The following HMCN2 variants were observed in gnomAD, a reference collection of about 807,000 sequenced individuals.
The protein encoded by HMCN2 is hemicentin 2, also known as hemicentin-2.
A neutral mutation model predicts 377.5 loss-of-function variants in HMCN2; 325 were observed. The observed-to-expected ratio is 0.86, with a 90% CI of 0.79 to 0.94. The LOEUF is 0.94. Ranked by LOEUF, HMCN2 falls within the 40% of genes least tolerant of loss-of-function variation. The probability of loss-of-function intolerance (pLI) is 0.00; values close to 1 mark genes in which losing one functional copy is unlikely to be tolerated. For synonymous variants in HMCN2, 2,007 were observed against 2,046.8 expected (o/e 0.98, Z 0.53); for missense variants, 4,543 against 4,725.3 (o/e 0.96, Z 1.13).
In HMCN2 at chr9:130,374,526, G is replaced by A. The variant is rs1176984878; in HGVS notation, c.7463G>A (p.Trp2488Ter). The A allele has an allele frequency of 3.6e-5, 35 of 985,852 alleles. No individual in the cohort carries two copies. Among genetic ancestry groups the A allele is most frequent in the Non-Finnish European group, 4.2e-5 (35 of 829,990 alleles). 61.1% of individuals were successfully genotyped at this position (985,852 alleles called of 1,614,324 possible). ...VTGHPQPKLTWFKDGRPLARG... is the reference protein window; with the variant it reads ...VTGHPQPKLT ...GGCCACCCACAGCCCAAGCTCACAT[G>A]GTTCAAAGATGGCCGGCCTCTGGCT... The change falls in exon 49 of 98, where the codon TGG (tryptophan) becomes TAG (stop). Residue 2488 changes from tryptophan to a stop codon, truncating the protein, a stop_gained. Coordinates refer to ENST00000683500, the MANE Select transcript of HMCN2 (RefSeq NM_001291815.2). LOFTEE classifies it high-confidence loss of function.
At chr9:130,285,998 AGCT>A (rs1835391924) in intron 3 of HMCN2, among the ~76,000 whole-genome samples, 187 bp from the exon 4 acceptor site, 1 of 152,082 alleles carries the variant, frequency 6.6e-6, no homozygotes, top group Non-Finnish European at 1.5e-5. Flanking sequence ...GTCCTGCATC[AGCT>A]CCTGATCCCC....
intron 1 of HMCN2, among the ~76,000 whole-genome samples, chr9:130,266,585 C>T (rs1369438622): frequency 2.6e-5 from 4 of 152,216 alleles, no homozygotes; most frequent in African/African-American, 9.6e-5. Context: ...GCTTGGAGAC[C>T]GGAATGGCTC....
chr9:130,346,236 C>A (rs1839385678), intron 25 of HMCN2, among the ~76,000 whole-genome samples: 1 of 152,060 alleles, frequency 6.6e-6, no homozygotes, highest in Admixed American at 6.5e-5. Flanking sequence ...CACGCTGCGA[C>A]CTCTGGGCAG....
chr9:130,395,952 G>C lies in HMCN2; in HGVS notation c.10940G>C (p.Arg3647Pro). The part of the protein sequence containing the change: ...QEDAHTQFPE[R>P]GRFLQLQALS... The stretch of plus-strand genomic sequence containing the variant: ...GACGCCCACACACAATTCCCGGAGC[G>C]GGGCAGGTTCCTCCAGCTGCAGGCC... The change falls in exon 72 of 98, where the codon CGG becomes CCG. Residue 3647 changes from arginine to proline, a missense_variant. Physicochemically the swap from Arg to Pro is moderately radical, Grantham distance 103 (BLOSUM62 -2). Transcript: ENST00000683500. 7.8e-7 allele frequency: 1 copy of C among 1,287,532 alleles called. No homozygotes were observed. The highest frequency in any genetic ancestry group is 1.0e-6 in the Non-Finnish European group (1 of 988,706). The allele number at this position is 1,287,532 out of a possible 1,614,324, so 79.8% of individuals were successfully genotyped here.
At chr9:130,409,285 G>A (rs777191540) in intron 84 of HMCN2, among the ~76,000 whole-genome samples, 2 of 152,208 alleles carry the variant, frequency 1.3e-5, no homozygotes, top group Non-Finnish European at 2.9e-5. Flanking sequence ...GCAGGTAATA[G>A]TGCTCCCTAT....
chr9:130,376,039 G>A (rs1841359163), intron 51 of HMCN2, 50 bp downstream of exon 51: 1 of 836,996 alleles, frequency 1.2e-6, no homozygotes, highest in Non-Finnish European at 1.4e-6. Context: ...GACCGCCCGG[G>A]AACCTAGGGG....
In HMCN2 at chr9:130,425,141, AAGCCCTGGGGTGTGC is replaced by A. The variant is rs1269814869; in HGVS notation, c.13641+14_13641+28del. On this transcript the variant is annotated intron_variant, in intron 89 of 97. Transcript: ENST00000683500. ...GATCTTCAAGTGCAGGTCGGGGGTC[AAGCCCTGGGGTGTGC>A]AGACAGGGTAGGTGAGAGAGACGAA... 5 of 1,543,704 alleles carry A rather than the reference AAGCCCTGGGGTGTGC, an allele frequency of 3.2e-6. No homozygotes were observed. Among genetic ancestry groups the A allele is most frequent in the Non-Finnish European group, 4.4e-6 (5 of 1,143,716 alleles).
Position 130,369,811 on chromosome 9 carries a change from G to C in HMCN2, c.7029G>C (p.Leu2343=), listed in dbSNP as rs545163044. The change falls in exon 45 of 98, where the codon CTG becomes CTC. Residue 2343 remains leucine, a synonymous_variant. Coordinates refer to ENST00000683500, the MANE Select transcript of HMCN2 (RefSeq NM_001291815.2). This position sits in a 1 kb window ranked among gnomAD's most constrained non-coding sequence, Gnocchi z 4.5. ...GCTACAGCTGTGTGGCCGAGAACCT[G>C]GCTGGGAGGGCAGAGAGGAAGTTTG... The part of the protein sequence containing the change: ...TGRYSCVAEN[L]AGRAERKFEL... 22 of 986,178 alleles carry C rather than the reference G, an allele frequency of 2.2e-5. No individual in the cohort carries two copies. The East Asian group carries it at 2.3e-3, about 101-fold the overall frequency. 61.1% of individuals were successfully genotyped at this position (986,178 alleles called of 1,614,324 possible).
chr9:130,363,861 G>C (rs1840531913), intron 40 of HMCN2, among the ~76,000 whole-genome samples: 1 of 146,486 alleles, frequency 6.8e-6, no homozygotes, highest in African/African-American at 2.5e-5. Context: ...AAGAGAGAGA[G>C]AGAGAAGGAA....
intron 89 of HMCN2, 25 bp from the exon 90 acceptor site, chr9:130,425,662 T>TCCCCC: frequency 1.3e-5 from 5 of 374,308 alleles, no homozygotes; most frequent in South Asian, 4.9e-5. Flanking sequence ...CCCCTCCTCC[T>TCCCCC]CCTCCCCTCC....
chr9:130,432,575 G>A lies in HMCN2; in HGVS notation c.14894+20G>A, dbSNP rs910972802. The A allele has an allele frequency of 1.0e-5, 16 of 1,547,772 alleles. No individual in the cohort carries two copies. The highest frequency in any genetic ancestry group is 1.3e-5 in the Non-Finnish European group (15 of 1,145,228). On this transcript the variant is annotated intron_variant, in intron 97 of 97. Transcript: ENST00000683500. ...CCCTGGGTAAGGGCTGAGTTGGCAG[G>A]GCCTCGTGCCCTCAGGAAAAGCACA...
chr9:130,395,456 C>A, intron 71 of HMCN2, 109 bp downstream of exon 71: 1 of 957,068 alleles, frequency 1.0e-6, no homozygotes, highest in Non-Finnish European at 1.4e-6. Context: ...CCGCTCTGAG[C>A]TGCACTTTGC....
chr9:130,302,503 G>A (rs1836573664), intron 8 of HMCN2, among the ~76,000 whole-genome samples: 1 of 152,318 alleles, frequency 6.6e-6, no homozygotes, highest in Admixed American at 6.5e-5. Flanking sequence ...TTGAGACAGT[G>A]TAGTGGAAGG....
intron 57 of HMCN2, 49 bp downstream of exon 57, chr9:130,383,649 A>T (rs1263143643): frequency 1.1e-6 from 1 of 882,602 alleles, no homozygotes; most frequent in African/African-American, 1.8e-5. Context: ...TTCCCTTCCC[A>T]GGGGGCACTG....
At chr9:130,390,564 T>C (rs1183957506) in intron 62 of HMCN2, among the ~76,000 whole-genome samples, 2 of 150,890 alleles carry the variant, frequency 1.3e-5, no homozygotes, top group African/African-American at 4.9e-5. Context: ...AGGCCGGGAG[T>C]GGGAGGAGCC....
At chr9:130,338,687 C>G (rs1350283413) in intron 23 of HMCN2, 1 of 152,200 alleles carries the variant, frequency 6.6e-6, no homozygotes, top group Non-Finnish European at 1.5e-5. Context: ...GGGAGTCATA[C>G]ACTGAAAAGG....
intron 1 of HMCN2, among the ~76,000 whole-genome samples, chr9:130,282,737 C>A (rs899306447): frequency 6.6e-6 from 1 of 152,188 alleles, no homozygotes; most frequent in Non-Finnish European, 1.5e-5. Context: ...TTTACAGCAA[C>A]TGGAATTTAG....
chr9:130,295,763 G>T lies in HMCN2; in HGVS notation c.882G>T (p.Trp294Cys), dbSNP rs1836104613. 2.1e-6 allele frequency: 1 copy of T among 470,966 alleles called. No homozygotes were observed. The highest frequency in any genetic ancestry group is 4.4e-6 in the Non-Finnish European group (1 of 226,968). 29.2% of individuals were successfully genotyped at this position (470,966 alleles called of 1,614,324 possible). Residue 294 changes from tryptophan (W) to cysteine (C), a missense_variant, in exon 6 of 98, where the codon TGG (tryptophan) becomes TGT (cysteine). Trp to Cys is a radical substitution (Grantham distance 215, BLOSUM62 -2). This residue lies in a region of HMCN2 where 547 missense variants were observed against 189.9 expected (regional missense o/e 2.88). Coordinates refer to ENST00000683500, the MANE Select transcript of HMCN2 (RefSeq NM_001291815.2). ...VAFKPEHPGLWSIKVYSSGRH... is the reference protein window; with the variant it reads ...VAFKPEHPGLCSIKVYSSGRH... ...TTAAGCCTGAGCATCCGGGGCTGTGGTCCATCAAGGTAGGGGCACTGGGTT... is the reference window on the plus strand; with the variant it reads ...TTAAGCCTGAGCATCCGGGGCTGTGTTCCATCAAGGTAGGGGCACTGGGTT...
At chr9:130,431,187 T>C (rs1403571880) in intron 95 of HMCN2, 180 bp from the exon 96 acceptor site, 1 of 644,290 alleles carries the variant, frequency 1.6e-6, no homozygotes, top group African/African-American at 1.8e-5. Context: ...GGCTCCTCCC[T>C]CTCAGCAAGC....
Sources: gnomAD v4.1 joint callset for allele counts (sites outside exome capture counted in the v4.1 genomes callset) on GRCh38, gnomAD v4.1.1 for gene constraint, gnomAD v4.1.1 regional missense constraint, Gnocchi (gnomAD v3.1) non-coding constraint, MANE v1.5 for transcripts, NCBI Gene and HGNC (gene_info 2026-07-23, HGNC 2026-07-21) for gene names.